ABCC3: variants seen among roughly 807,000 people sequenced by gnomAD.
ABCC3 encodes the protein ATP-binding cassette sub-family C member 3.
ABCC3 carries 121 observed loss-of-function variants against 165.3 expected under a neutral mutation model. That is an observed-to-expected ratio of 0.73 (90% CI 0.63 to 0.85). The LOEUF (loss-of-function observed/expected upper bound fraction) is 0.85, where lower values mean the gene tolerates loss of function less well. Among genes scored for constraint, ABCC3 ranks in the 40% least tolerant of loss-of-function variants. The pLI is 0.00. For synonymous variants in ABCC3, 733 were observed against 810.1 expected (o/e 0.90, Z 1.62); for missense variants, 1,869 against 1,964.1 (o/e 0.95, Z 0.92).
At chr17:50,657,761 C>T (rs980422233) in intron 4 of ABCC3, among the ~76,000 whole-genome samples, 4 of 152,208 alleles carry the variant, frequency 2.6e-5, no homozygotes, top group Non-Finnish European at 5.9e-5. Context: ...GTCGCTGAAA[C>T]CTTTGGAGCC....
chr17:50,669,901 T>A (rs1967611137), intron 17 of ABCC3, among the ~76,000 whole-genome samples: 1 of 152,004 alleles, frequency 6.6e-6, no homozygotes, highest in Non-Finnish European at 1.5e-5. Flanking sequence ...GCTCAAGTGA[T>A]CCTCTCGCCT....
chr17:50,659,176 C>A lies in ABCC3; in HGVS notation c.675-61C>A, dbSNP rs778312512. ...GGGCCCTGGAGACACTGACCCTTGG[C>A]TCCAGGCTGCTAAACCCTGACCCTC... is the stretch of plus-strand genomic sequence containing the variant. On this transcript the variant is annotated intron_variant, in intron 6 of 30. Coordinates refer to ENST00000285238, the MANE Select transcript of ABCC3 (RefSeq NM_003786.4). The A allele has an allele frequency of 2.5e-6, 4 of 1,591,868 alleles. No individual in the cohort carries two copies. In the East Asian group the frequency reaches 9.0e-5, roughly 36 times the overall value.
chr17:50,667,786 G>A, intron 12 of ABCC3, 29 bp downstream of exon 12: 2 of 1,613,958 alleles, frequency 1.2e-6, no homozygotes, highest in Non-Finnish European at 1.7e-6. Context: ...CTGGGTCCCT[G>A]CCTCCAGGGC....
Position 50,659,316 on chromosome 17 carries a change from G to C in ABCC3, c.754G>C (p.Val252Leu). ...SLKEEDRSQM[V>L]VQQLLEAWRK... Reference sequence around the variant, plus strand: ...AAAGGAAGAGGACAGATCCCAGATGGTGGTGCAGCAGCTGCTGGAGGCATG... The same window carrying C: ...AAAGGAAGAGGACAGATCCCAGATGCTGGTGCAGCAGCTGCTGGAGGCATG... The change falls in exon 7 of 31, where the codon GTG becomes CTG. Residue 252 changes from valine to leucine, a missense_variant. Physicochemically the swap from Val to Leu is conservative, Grantham distance 32 (BLOSUM62 1). Transcript: ENST00000285238. The C allele has an allele frequency of 3.7e-6, 6 of 1,613,522 alleles. No individual in the cohort carries two copies. Among genetic ancestry groups the C allele is most frequent in the Non-Finnish European group, 5.1e-6 (6 of 1,179,508 alleles).
rs183904195 is a variant in ABCC3 at position 50,640,902 on chromosome 17, C to T, written c.45+5921C>T. ...TGCTCTCTCCACGCCTTCATTGCTG[C>T]TGAGTCAATGGTCTTGTCTGTTCAT... is the stretch of plus-strand genomic sequence containing the variant. On this transcript the variant is annotated intron_variant, in intron 1 of 30. Transcript: ENST00000285238. Among the ~76,000 whole-genome samples the T allele has an allele frequency of 3.4e-3, 512 of 152,292 alleles. 1 individual carries two copies. The Middle Eastern group carries it at 0.037, about 11-fold the overall frequency.
At chr17:50,671,250 ACT>A (rs1305440055) in intron 17 of ABCC3, among the ~76,000 whole-genome samples, 1 of 149,876 alleles carries the variant, frequency 6.7e-6, no homozygotes, top group African/African-American at 2.5e-5. Context: ...ACAGAGCAAG[ACT>A]CTGTCTTAAA....
rs759656958 is a variant in ABCC3, at chr17:50,659,307, T to C, written c.745T>C (p.Ser249Pro). ...CTGGTCCCTAAAGGAAGAGGACAGA[T>C]CCCAGATGGTGGTGCAGCAGCTGCT... is the stretch of plus-strand genomic sequence containing the variant. Reference protein sequence around the residue: ...DLWSLKEEDRSQMVVQQLLEA... With the variant: ...DLWSLKEEDRPQMVVQQLLEA... Residue 249 changes from serine (S) to proline (P), a missense_variant, in exon 7 of 31, where the codon TCC (serine) becomes CCC (proline). Coordinates refer to ENST00000285238, the MANE Select transcript of ABCC3 (RefSeq NM_003786.4). 5 of 1,613,506 alleles carry C rather than the reference T, an allele frequency of 3.1e-6. No individual in the cohort carries two copies. Among genetic ancestry groups the C allele is most frequent in the South Asian group, 2.2e-5 (2 of 91,080 alleles).
At chr17:50,678,308 C>T (rs1470654604) in intron 25 of ABCC3, 89 bp downstream of exon 25, 1 of 1,400,454 alleles carries the variant, frequency 7.1e-7, no homozygotes, top group Non-Finnish European at 9.4e-7. Flanking sequence ...CCCCTCCCTG[C>T]TCAGTATGGG....
At position 50,676,282 on chromosome 17, in the gene ABCC3, C is replaced by A; in HGVS notation, c.3072C>A (p.Phe1024Leu). The change falls in exon 23 of 31, where the codon TTC becomes TTA. Residue 1024 changes from phenylalanine (F) to leucine (L), a missense_variant. By Grantham distance (22) the Phe-to-Leu change is conservative (BLOSUM62 0). Transcript: ENST00000285238. ...GCCCTCTGCCTTCTCCAACAGGGTT[C>A]TTGGTGATGCTGGCAGCCATGGCCA... ...VYAALGILQG[F>L]LVMLAAMAMA... The A allele has an allele frequency of 1.9e-6, 3 of 1,611,732 alleles. No individual in the cohort carries two copies. The highest frequency in any genetic ancestry group is 2.5e-6 in the Non-Finnish European group (3 of 1,178,686).
chr17:50,674,525 C>G (rs760841659), intron 19 of ABCC3: 14 of 152,228 alleles, frequency 9.2e-5, no homozygotes, highest in Non-Finnish European at 1.6e-4. Flanking sequence ...TATACAGGCA[C>G]TGTTCCAGAC....
At chr17:50,656,570 C>T (rs1967252890) in intron 2 of ABCC3, 132 bp from the exon 3 acceptor site, 1 of 1,276,124 alleles carries the variant, frequency 7.8e-7, no homozygotes, top group East Asian at 2.5e-5. Context: ...TGGTCAGCTC[C>T]ATTCCCAGAC....
chr17:50,683,529 G>C, intron 26 of ABCC3, 81 bp from the exon 27 acceptor site: 1 of 1,423,978 alleles, frequency 7.0e-7, no homozygotes, highest in Non-Finnish European at 9.2e-7. Flanking sequence ...GAGGATTGAG[G>C]GGCCTTGGGG....
At chr17:50,643,804 G>A (rs1567824468) in intron 1 of ABCC3, 1 of 362,210 alleles carries the variant, frequency 2.8e-6, no homozygotes, top group Non-Finnish European at 5.6e-6. Flanking sequence ...AGTTGGCTGT[G>A]GGGGAAGGGA....
rs887094656 is a variant in ABCC3, at chr17:50,691,416, G to C, written c.*216G>C. On this transcript the variant is annotated 3_prime_UTR_variant, in exon 31 of 31. Transcript: ENST00000285238. Reference sequence around the variant, plus strand: ...ACACGCCTAAGGTCACAGCTAGTTTGAGCCAGTTAGACTAGTCCCCGGTCT... The same window carrying C: ...ACACGCCTAAGGTCACAGCTAGTTTCAGCCAGTTAGACTAGTCCCCGGTCT... 2.0e-6 allele frequency: 1 copy of C among 512,618 alleles called. No individual in the cohort carries two copies. The highest frequency in any genetic ancestry group is 3.6e-6 in the Non-Finnish European group (1 of 280,458). 31.8% of individuals were successfully genotyped at this position (512,618 alleles called of 1,614,324 possible). A position where few individuals can be genotyped will look rare whatever the true frequency, so the allele number is the denominator to read the frequency against.
intron 8 of ABCC3, chr17:50,662,046 C>G (rs1401656093): frequency 6.6e-6 from 1 of 152,222 alleles, no homozygotes; most frequent in African/African-American, 2.4e-5. Context: ...TAAGGATATC[C>G]TTGAAAGATC....
At chr17:50,679,966 C>A (rs1967899886) in intron 26 of ABCC3, 67 bp downstream of exon 26, 21 of 1,288,416 alleles carry the variant, frequency 1.6e-5, no homozygotes, top group Middle Eastern at 4.7e-4. Flanking sequence ...CTTGGTGGCT[C>A]TCTCTCCCTC....
In ABCC3 at chr17:50,676,543, C is replaced by T. The variant is rs1322420411; in HGVS notation, c.3333C>T (p.Phe1111=). ...TCATCATGGCCAGCACGCCGCTCTT[C>T]ACTGTGGTCATCCTGCCCCTGGCTG... ...LVVIMASTPL[F]TVVILPLAVL... is the part of the protein sequence containing the mutation. The change falls in exon 23 of 31, where the codon TTC becomes TTT. Residue 1111 remains phenylalanine, a synonymous_variant. Transcript: ENST00000285238. The T allele has an allele frequency of 6.2e-7, 1 of 1,613,940 alleles. No individual in the cohort carries two copies. Among genetic ancestry groups the T allele is most frequent in the Admixed American group, 1.7e-5 (1 of 60,010 alleles).
Position 50,663,835 on chromosome 17 carries a change from ATCATGGGTG to A in ABCC3, c.1158_1166del (p.Met386_Val388del). The A allele has an allele frequency of 1.2e-6, 2 of 1,614,118 alleles. No individual in the cohort carries two copies. Among genetic ancestry groups the A allele is most frequent in the Non-Finnish European group, 1.7e-6 (2 of 1,180,022 alleles). ...GACTGGGGTGAAGTTTCGTACTGGGATCATGGGTGTCATCTACAGGAAGGTCAGCTGGAG... is the reference window on the plus strand; with the variant it reads ...GACTGGGGTGAAGTTTCGTACTGGGATCATCTACAGGAAGGTCAGCTGGAG... On this transcript the variant is annotated inframe_deletion, in exon 9 of 31. Transcript: ENST00000285238.
At chr17:50,657,294 A>C (rs1854495896) in intron 4 of ABCC3, 111 bp downstream of exon 4, 1 of 1,371,832 alleles carries the variant, frequency 7.3e-7, no homozygotes, top group Admixed American at 2.2e-5. Context: ...CTTCAAGTAC[A>C]AACACAATTG....
Sources: gnomAD v4.1 joint callset for allele counts (sites outside exome capture counted in the v4.1 genomes callset) on GRCh38, gnomAD v4.1.1 for gene constraint, MANE v1.5 for transcripts, NCBI Gene and HGNC (gene_info 2026-07-23, HGNC 2026-07-21) for gene names.